NCOA5: variants seen among roughly 807,000 people sequenced by gnomAD.
The protein encoded by NCOA5 is nuclear receptor coactivator 5.
In NCOA5, 12 loss-of-function variants were observed where a neutral mutation model predicts 59.0. The ratio of observed to expected loss-of-function variants is 0.20; its 90% CI spans 0.13 to 0.33. The LOEUF (loss-of-function observed/expected upper bound fraction) is 0.33. Among genes scored for constraint, NCOA5 ranks in the 10% least tolerant of loss-of-function variants. The probability of loss-of-function intolerance (pLI) is 1.00; values close to 1 mark genes in which losing one functional copy is unlikely to be tolerated. For synonymous variants in NCOA5, 270 were observed against 275.5 expected (o/e 0.98, Z 0.20); for missense variants, 655 against 766.6 (o/e 0.85, Z 1.72).
At chr20:46,083,673 G>A (rs1457236242) in intron 1 of NCOA5, among the ~76,000 whole-genome samples, 1 of 152,224 alleles carries the variant, frequency 6.6e-6, no homozygotes, top group Non-Finnish European at 1.5e-5. Context: ...AAAAGGCTTA[G>A]TTGAAAACCA....
rs139258026 is a variant in NCOA5, at chr20:46,075,272, T to C, written c.38+4115A>G. The stretch of plus-strand genomic sequence containing the variant: ...TCCAGCACAAACAGAACTTTCTTAT[T>C]GGTAGAGGTGGCAGCTGCTGAGAAC... On this transcript the variant is annotated intron_variant, in intron 2 of 7. Coordinates refer to ENST00000290231, the MANE Select transcript of NCOA5 (RefSeq NM_020967.3). Among the ~76,000 whole-genome samples, 266 of 152,286 alleles carry C rather than the reference T, an allele frequency of 1.7e-3. 2 individuals carry two copies. Among genetic ancestry groups the C allele is most frequent in the African/African-American group, 5.7e-3 (237 of 41,558 alleles).
chr20:46,074,394 G>T (rs900197989), intron 2 of NCOA5, among the ~76,000 whole-genome samples: 1 of 152,178 alleles, frequency 6.6e-6, no homozygotes, highest in Admixed American at 6.5e-5. Context: ...AGCACCAGAG[G>T]TGTTTTACTA....
rs562865482 is a variant in NCOA5, at chr20:46,085,676, G to C, written c.-30+4141C>G. 5.3e-5 allele frequency among the ~76,000 whole-genome samples: 8 copies of C among 152,280 alleles called. No homozygotes were observed. The South Asian group carries it at 1.7e-3, about 32-fold the overall frequency. ...AAAACTACAGGAAGTTTGGTGTTGGGAACACGGGGATAGGAGGAATAAAAG... is the reference window on the plus strand; with the variant it reads ...AAAACTACAGGAAGTTTGGTGTTGGCAACACGGGGATAGGAGGAATAAAAG... On this transcript the variant is annotated intron_variant, in intron 1 of 7. Transcript: ENST00000290231.
intron 2 of NCOA5, among the ~76,000 whole-genome samples, chr20:46,073,388 C>G (rs1352674238): frequency 6.6e-6 from 1 of 152,182 alleles, no homozygotes; most frequent in African/African-American, 2.4e-5. Context: ...ATGAGAATAG[C>G]TAAGCATTAT....
intron 1 of NCOA5, among the ~76,000 whole-genome samples, chr20:46,084,960 CCTA>C (rs1297241915): frequency 6.6e-6 from 1 of 152,140 alleles, no homozygotes; most frequent in Non-Finnish European, 1.5e-5. Context: ...ATGTCAAATG[CCTA>C]CTATGTGTCA....
At chr20:46,086,040 C>T (rs1473082720) in intron 1 of NCOA5, among the ~76,000 whole-genome samples, 1 of 152,148 alleles carries the variant, frequency 6.6e-6, no homozygotes, top group Non-Finnish European at 1.5e-5. Flanking sequence ...CATGCACCAC[C>T]ACCCTGGCTA....
In NCOA5 at chr20:46,070,368, C is replaced by G. The variant is rs778209672; in HGVS notation, c.207G>C (p.Leu69Phe). 6.2e-7 allele frequency: 1 copy of G among 1,613,686 alleles called. No homozygotes were observed. The highest frequency in any genetic ancestry group is 2.2e-5 in the East Asian group (1 of 44,840). Reference sequence around the variant, plus strand: ...CACTCCTGCTGTCTCTGTGATCCCGCAAATCTCTACTATGTCTGTGGTCCC... The same window carrying G: ...CACTCCTGCTGTCTCTGTGATCCCGGAAATCTCTACTATGTCTGTGGTCCC... ...DLRDHRHSRDLRDHRDSRSVR... is the reference protein window; with the variant it reads ...DLRDHRHSRDFRDHRDSRSVR... The change falls in exon 3 of 8, where the codon TTG becomes TTC. Residue 69 changes from leucine to phenylalanine, a missense_variant. Leu to Phe is a conservative substitution (Grantham distance 22, BLOSUM62 0). Transcript: ENST00000290231.
chr20:46,065,041 C>T lies in NCOA5; in HGVS notation c.817G>A (p.Gly273Arg), dbSNP rs1346603383. ...HRSCTVNIMF[G>R]TPQEHRNMPQ... is the part of the protein sequence containing the mutation. ...TCTGACTCTGTACCTTGCGGGGTTC[C>T]AAACATGATGTTGACTGTGCAGGAG... The change falls in exon 6 of 8, where the codon GGA (glycine) becomes AGA (arginine). Residue 273 changes from glycine to arginine, a missense_variant. By Grantham distance (125) the Gly-to-Arg change is moderately radical (BLOSUM62 -2). Coordinates refer to ENST00000290231, the MANE Select transcript of NCOA5 (RefSeq NM_020967.3). The T allele has an allele frequency of 1.2e-6, 2 of 1,614,158 alleles. No individual in the cohort carries two copies. Among genetic ancestry groups the T allele is most frequent in the Non-Finnish European group, 1.7e-6 (2 of 1,180,022 alleles).
rs74776148 is a variant in NCOA5, at chr20:46,064,486, T to A, written c.829+543A>T. Among the ~76,000 whole-genome samples, 708 of 152,318 alleles carry A rather than the reference T, an allele frequency of 4.6e-3. 5 individuals carry two copies. The highest frequency in any genetic ancestry group is 0.016 in the African/African-American group (671 of 41,576). ...TGGGCCTCTACAGGGTCACGGCCTC[T>A]TAGCCCCTCTGGTTACTTCTCCAGC... On this transcript the variant is annotated intron_variant, in intron 6 of 7. Transcript: ENST00000290231.
chr20:46,062,364 C>G lies in NCOA5; in HGVS notation c.1676G>C (p.Ser559Thr). The change falls in exon 8 of 8, where the codon AGC becomes ACC. Residue 559 changes from serine to threonine, a missense_variant. Ser to Thr is a moderately conservative substitution (Grantham distance 58). Coordinates refer to ENST00000290231, the MANE Select transcript of NCOA5 (RefSeq NM_020967.3). ...CTGCCCCATCTGTGCTGTGGTCTGG[C>G]TAACCAGGTGGGAGAGAGCAGGGCC... ...QSGPALSHLV[S>T]QTTAQMGQPQ... 1 of 1,614,132 alleles carries G rather than the reference C, an allele frequency of 6.2e-7. No individual in the cohort carries two copies.
In NCOA5 at chr20:46,062,195, C is replaced by T. The variant is rs534611273; in HGVS notation, c.*105G>A. 66 of 843,688 alleles carry T rather than the reference C, an allele frequency of 7.8e-5. No homozygotes were observed. Among genetic ancestry groups the T allele is most frequent in the Non-Finnish European group, 1.1e-4 (61 of 555,686 alleles). The allele number at this position is 843,688 out of a possible 1,614,324, so 52.3% of individuals were successfully genotyped here. A position where few individuals can be genotyped will look rare whatever the true frequency, so the allele number is the denominator to read the frequency against. On this transcript the variant is annotated 3_prime_UTR_variant, in exon 8 of 8. Coordinates refer to ENST00000290231, the MANE Select transcript of NCOA5 (RefSeq NM_020967.3). Reference sequence around the variant, plus strand: ...GGTAGAAATTGATGACACTCGATGCCGGCCTGGGAGCGCAGAGAACATCCT... The same window carrying T: ...GGTAGAAATTGATGACACTCGATGCTGGCCTGGGAGCGCAGAGAACATCCT...
At chr20:46,080,375 A>G (rs2084979326) in intron 1 of NCOA5, among the ~76,000 whole-genome samples, 1 of 152,228 alleles carries the variant, frequency 6.6e-6, no homozygotes, top group Admixed American at 6.5e-5. Flanking sequence ...CAAATTTCAT[A>G]CTTCAGATGA....
intron 6 of NCOA5, 76 bp from the exon 7 acceptor site, chr20:46,063,756 T>C (rs2084793132): frequency 7.2e-7 from 1 of 1,383,264 alleles, no homozygotes; most frequent in Non-Finnish European, 9.9e-7. Context: ...CTGTCAAGTC[T>C]TTCCTAACCT....
chr20:46,067,962 ACT>A (rs1245272618), intron 4 of NCOA5, among the ~76,000 whole-genome samples: 2 of 151,154 alleles, frequency 1.3e-5, no homozygotes, highest in Non-Finnish European at 2.9e-5. Flanking sequence ...ACAGGGTCTC[ACT>A]CTGTCACCCA....
intron 6 of NCOA5, among the ~76,000 whole-genome samples, chr20:46,064,658 C>T (rs1383800701): frequency 1.3e-5 from 2 of 152,212 alleles, no homozygotes; most frequent in Non-Finnish European, 2.9e-5. Context: ...CAACTGTGTA[C>T]ATTTCTTTCC....
At chr20:46,079,990 T>A in intron 1 of NCOA5, among the ~76,000 whole-genome samples, 1 of 152,206 alleles carries the variant, frequency 6.6e-6, no homozygotes. Context: ...CTGGATAGAA[T>A]CTTCCAGAAT....
rs747992397 is a variant in NCOA5 at position 46,070,426 on chromosome 20, T to C, written c.149A>G (p.Asp50Gly). 12 of 1,613,844 alleles carry C rather than the reference T, an allele frequency of 7.4e-6. No homozygotes were observed. The highest frequency in any genetic ancestry group is 5.0e-5 in the Admixed American group (3 of 59,972). The change falls in exon 3 of 8, where the codon GAC becomes GGC. Residue 50 changes from aspartate (D) to glycine (G), a missense_variant. Coordinates refer to ENST00000290231, the MANE Select transcript of NCOA5 (RefSeq NM_020967.3). ...RDGRNGRDAR[D>G]SRDIRDPRDL... ...TCGGGGGTCTCGAATGTCTCTGCTG[T>C]CCCGGGCATCCCGGCCATTTCTGCC...
At chr20:46,085,290 G>A (rs1020570722) in intron 1 of NCOA5, among the ~76,000 whole-genome samples, 4 of 152,070 alleles carry the variant, frequency 2.6e-5, no homozygotes, top group Admixed American at 2.0e-4. Context: ...GCCCCGCAAA[G>A]TGTTGGGATT....
At chr20:46,083,527 C>T (rs2085014166) in intron 1 of NCOA5, among the ~76,000 whole-genome samples, 1 of 152,148 alleles carries the variant, frequency 6.6e-6, no homozygotes, top group African/African-American at 2.4e-5. Flanking sequence ...GATCTCTAAA[C>T]TAAGTGTGCT....
Sources: gnomAD v4.1 joint callset for allele counts (sites outside exome capture counted in the v4.1 genomes callset) on GRCh38, gnomAD v4.1.1 for gene constraint, MANE v1.5 for transcripts, NCBI Gene and HGNC (gene_info 2026-07-23, HGNC 2026-07-21) for gene names.